Variants in BCAS3 observed in about 807,000 individuals in gnomAD.
BCAS3 encodes the protein BCAS4/BCAS3 fusion.
A neutral mutation model predicts 116.1 loss-of-function variants in BCAS3; 53 were observed. That is an observed-to-expected ratio of 0.46 (90% CI 0.37 to 0.57). BCAS3 has a LOEUF of 0.57. BCAS3 is among the 20% of genes least tolerant of loss of function. The pLI, the probability that BCAS3 is intolerant of heterozygous loss-of-function variation, is 0.00. For synonymous variants in BCAS3, 391 were observed against 408.2 expected, an observed-to-expected ratio of 0.96 and a Z score of 0.51; for missense variants, 917 against 1,165.4, an observed-to-expected ratio of 0.79 and a Z score of 3.10.
intron 6 of BCAS3, among the ~76,000 whole-genome samples, chr17:60,763,761 A>G (rs1379936627): frequency 6.6e-6 from 1 of 152,228 alleles, no homozygotes; most frequent in Non-Finnish European, 1.5e-5. Flanking sequence ...GAATAGCTTC[A>G]GAAGGAATGG....
chr17:61,000,401 A>G (rs2064155507), intron 15 of BCAS3, among the ~76,000 whole-genome samples: 1 of 152,186 alleles, frequency 6.6e-6, no homozygotes, highest in African/African-American at 2.4e-5. Context: ...TCTATCTTCC[A>G]TGATTTCCTA....
intron 14 of BCAS3, among the ~76,000 whole-genome samples, chr17:60,982,865 C>A (rs532581519): frequency 6.6e-6 from 1 of 152,010 alleles, no homozygotes; most frequent in Non-Finnish European, 1.5e-5. Flanking sequence ...TTTACTGAAC[C>A]CAGTTCTAAA....
Position 61,266,649 on chromosome 17 carries a change from A to G in BCAS3, c.2426-101678A>G, listed in dbSNP as rs574520182. On this transcript the variant is annotated intron_variant, in intron 22 of 23. Coordinates refer to ENST00000407086, the MANE Select transcript of BCAS3 (RefSeq NM_017679.5). Reference sequence around the variant, plus strand: ...TTACATGTAGGTACTGTTTTCCAAAACTGACATATTTAGGAAATCTTTAAA... The same window carrying G: ...TTACATGTAGGTACTGTTTTCCAAAGCTGACATATTTAGGAAATCTTTAAA... 3.3e-5 allele frequency among the ~76,000 whole-genome samples: 5 copies of G among 152,304 alleles called. No individual in the cohort carries two copies. In the East Asian group the frequency reaches 9.6e-4, roughly 29 times the overall value.
intron 22 of BCAS3, among the ~76,000 whole-genome samples, chr17:61,308,242 T>C (rs1019651419): frequency 6.6e-6 from 1 of 152,138 alleles, no homozygotes; most frequent in Non-Finnish European, 1.5e-5. Flanking sequence ...CAGCATTTCA[T>C]TTTACAGCCC....
rs556664071 is a variant in BCAS3 at position 60,967,024 on chromosome 17, T to C, written c.1221+19672T>C. On this transcript the variant is annotated intron_variant, in intron 14 of 23. Coordinates refer to ENST00000407086, the MANE Select transcript of BCAS3 (RefSeq NM_017679.5). The surrounding 1 kb of genome is among the most constrained non-coding windows in gnomAD (Gnocchi z 4.7). ...TGTTTTAACAGGTTGCTAATAGCGATTATTATTTTTGATAGATTTATCTTT... is the reference window on the plus strand; with the variant it reads ...TGTTTTAACAGGTTGCTAATAGCGACTATTATTTTTGATAGATTTATCTTT... Among the ~76,000 whole-genome samples the C allele has an allele frequency of 1.3e-5, 2 of 152,314 alleles. No individual in the cohort carries two copies. Among genetic ancestry groups the C allele is most frequent in the East Asian group, 3.9e-4 (2 of 5,190 alleles).
intron 7 of BCAS3, among the ~76,000 whole-genome samples, chr17:60,853,231 G>A (rs900767358): frequency 6.6e-6 from 1 of 152,182 alleles, no homozygotes; most frequent in African/African-American, 2.4e-5. Flanking sequence ...AAACTGTGGA[G>A]ACATTAAGTT....
At chr17:60,706,368 G>A (rs917566903) in intron 4 of BCAS3, among the ~76,000 whole-genome samples, 3 of 152,120 alleles carry the variant, frequency 2.0e-5, no homozygotes, top group Non-Finnish European at 2.9e-5. Context: ...CCAGCAGGAT[G>A]CAGACTTTTT....
At chr17:61,154,317 G>A (rs2077706819) in intron 22 of BCAS3, among the ~76,000 whole-genome samples, 1 of 152,156 alleles carries the variant, frequency 6.6e-6, no homozygotes, top group South Asian at 2.1e-4. Flanking sequence ...CTAAACCTTT[G>A]TGTGCTGGAC....
At chr17:61,262,875 A>G (rs12943413) in intron 22 of BCAS3, among the ~76,000 whole-genome samples, 88,350 of 150,584 alleles carry the variant, frequency 0.59, 27,003 homozygotes, top group East Asian at 0.8. Flanking sequence ...TATTTTTAGT[A>G]GAGATGGGGT....
At position 60,815,381 on chromosome 17, in the gene BCAS3, C is replaced by T. The variant is rs555600841; in HGVS notation, c.476+7305C>T. On this transcript the variant is annotated intron_variant, in intron 7 of 23. Coordinates refer to ENST00000407086, the MANE Select transcript of BCAS3 (RefSeq NM_017679.5). ...ATGGGTGCAGCACACTAACATGGCGCGTGTATACGTATGTAACAAGCCTGC... is the reference window on the plus strand; with the variant it reads ...ATGGGTGCAGCACACTAACATGGCGTGTGTATACGTATGTAACAAGCCTGC... Among the ~76,000 whole-genome samples, 10 of 151,528 alleles carry T rather than the reference C, an allele frequency of 6.6e-5. No homozygotes were observed. In the East Asian group the frequency reaches 1.4e-3, roughly 21 times the overall value.
At chr17:60,933,517 A>C (rs556688499) in intron 13 of BCAS3, among the ~76,000 whole-genome samples, 3 of 152,314 alleles carry the variant, frequency 2.0e-5, no homozygotes, top group African/African-American at 7.2e-5. Context: ...AAACAGAGTA[A>C]ATATGTACCC....
intron 22 of BCAS3, among the ~76,000 whole-genome samples, chr17:61,225,789 C>A (rs1228882960): frequency 6.6e-6 from 1 of 152,132 alleles, no homozygotes; most frequent in Non-Finnish European, 1.5e-5. Context: ...AATCAGTTTA[C>A]TCTCCCAGCT....
At position 61,037,781 on chromosome 17, in the gene BCAS3, C is replaced by T. The variant is rs1044483705; in HGVS notation, c.1763-108C>T. 2.4e-5 allele frequency: 25 copies of T among 1,035,762 alleles called. No individual in the cohort carries two copies. In the African/African-American group the frequency reaches 3.0e-4, roughly 12 times the overall value. 64.2% of individuals were successfully genotyped at this position (1,035,762 alleles called of 1,614,324 possible). On this transcript the variant is annotated intron_variant, in intron 17 of 23. Transcript: ENST00000407086. This position sits in a 1 kb window ranked among gnomAD's most constrained non-coding sequence, Gnocchi z 4.7. ...AAAAAAATTCCTGTCTTTTCATTTT[C>T]TCTGAGCAGCCTCAGGAGCAGACTA...
intron 22 of BCAS3, among the ~76,000 whole-genome samples, chr17:61,328,169 AC>A (rs1357343234): frequency 6.6e-6 from 1 of 151,940 alleles, no homozygotes; most frequent in African/African-American, 2.4e-5. Flanking sequence ...TAAAAAAAAA[AC>A]CTTAATAACA....
intron 7 of BCAS3, among the ~76,000 whole-genome samples, chr17:60,847,766 A>G (rs1448734049): frequency 1.3e-5 from 2 of 152,158 alleles, no homozygotes; most frequent in East Asian, 3.8e-4. Flanking sequence ...TATTATTTAC[A>G]AATGTTTTCT....
intron 6 of BCAS3, among the ~76,000 whole-genome samples, chr17:60,768,029 G>A (rs1372020860): frequency 6.6e-6 from 1 of 152,154 alleles, no homozygotes; most frequent in African/African-American, 2.4e-5. Context: ...CAAATTACTG[G>A]CCTCAAGCAA....
intron 6 of BCAS3, among the ~76,000 whole-genome samples, chr17:60,779,097 C>T (rs886306761): frequency 4.6e-5 from 7 of 151,930 alleles, no homozygotes; most frequent in South Asian, 2.1e-4. Flanking sequence ...ATTCCTAATC[C>T]GAAAATCCAA....
In BCAS3 at chr17:60,960,083, CT is replaced by C. The variant is rs1298404685; in HGVS notation, c.1221+12734del. On this transcript the variant is annotated intron_variant, in intron 14 of 23. Transcript: ENST00000407086. The surrounding 1 kb of genome is among the most constrained non-coding windows in gnomAD (Gnocchi z 4.1). ...TCACTTATTTTGCCAAAGAGTAACT[CT>C]TTGATCCTTTGAGGGATGTGGACAT... Among the ~76,000 whole-genome samples the C allele has an allele frequency of 1.1e-4, 16 of 152,112 alleles. No individual in the cohort carries two copies. Among genetic ancestry groups the C allele is most frequent in the Non-Finnish European group, 1.5e-5 (1 of 68,014 alleles).
intron 6 of BCAS3, among the ~76,000 whole-genome samples, chr17:60,787,480 TTGAGTTATTA>T (rs924346943): frequency 1.3e-5 from 2 of 152,160 alleles, no homozygotes; most frequent in African/African-American, 4.8e-5. Context: ...GGATATTGCT[TTGAGTTATTA>T]TGAGTAAAGC....
Sources: allele counts gnomAD v4.1 joint callset (sites outside exome capture counted in the v4.1 genomes callset), GRCh38; gene constraint gnomAD v4.1.1; non-coding constraint Gnocchi (gnomAD v3.1); transcripts MANE v1.5; gene names NCBI Gene and HGNC (gene_info 2026-07-23, HGNC 2026-07-21).